The following PCDH9 variants were observed in gnomAD, a reference collection of about 807,000 sequenced individuals.
PCDH9 encodes protocadherin 9.
A neutral mutation model predicts 70.6 loss-of-function variants in PCDH9; 24 were observed. The ratio of observed to expected loss-of-function variants is 0.34; its 90% confidence interval spans 0.25 to 0.48. The LOEUF is 0.48. PCDH9 is among the 20% of genes least tolerant of loss of function. PCDH9 has a pLI of 0.99. For missense variants in PCDH9, 1,281 were observed against 1,503.6 expected (o/e 0.85, Z 2.45); for synonymous variants, 562 against 558.5 (o/e 1.01, Z -0.09).
intron 3 of PCDH9, among the ~76,000 whole-genome samples, chr13:66,670,045 T>C (rs1180048917): frequency 6.6e-6 from 1 of 152,184 alleles, no homozygotes; most frequent in Non-Finnish European, 1.5e-5. Context: ...AAACTAACTC[T>C]GATCCTCTAG....
chr13:66,744,738 T>C (rs1250197469), intron 3 of PCDH9, among the ~76,000 whole-genome samples: 2 of 152,158 alleles, frequency 1.3e-5, no homozygotes, highest in African/African-American at 4.8e-5. Flanking sequence ...AAGGTAAACA[T>C]GGACAGAGTT....
chr13:66,325,698 T>C (rs898908658), intron 4 of PCDH9, among the ~76,000 whole-genome samples: 3 of 152,078 alleles, frequency 2.0e-5, no homozygotes, highest in African/African-American at 7.3e-5. Context: ...CTGGTACATA[T>C]ATTGAATCCA....
At chr13:66,994,211 A>G (rs2084060834) in intron 2 of PCDH9, among the ~76,000 whole-genome samples, 1 of 152,148 alleles carries the variant, frequency 6.6e-6, no homozygotes, top group African/African-American at 2.4e-5. Flanking sequence ...TAACTCCAAG[A>G]GAGAGTGATG....
intron 2 of PCDH9, among the ~76,000 whole-genome samples, chr13:67,174,344 T>TACAG (rs2088386092): frequency 6.6e-6 from 1 of 151,946 alleles, no homozygotes; most frequent in Non-Finnish European, 1.5e-5. Context: ...CATACATACA[T>TACAG]ACAGACGAAG....
chr13:66,765,229 T>C (rs1237953168), intron 3 of PCDH9, among the ~76,000 whole-genome samples: 2 of 151,994 alleles, frequency 1.3e-5, no homozygotes, highest in Non-Finnish European at 2.9e-5. Context: ...AATCAAAGAT[T>C]TGATCTCCAT....
intron 2 of PCDH9, among the ~76,000 whole-genome samples, chr13:66,946,876 T>C (rs1054710944): frequency 6.6e-5 from 10 of 152,158 alleles, no homozygotes; most frequent in African/African-American, 1.9e-4. Context: ...AATGTACATA[T>C]GCCTTATACA....
intron 2 of PCDH9, 71 bp downstream of exon 2, chr13:67,225,334 C>T (rs755383214): frequency 1.1e-5 from 16 of 1,482,146 alleles, no homozygotes; most frequent in South Asian, 2.3e-5. Flanking sequence ...AATAGACATA[C>T]TGGCACGTTA....
intron 4 of PCDH9, among the ~76,000 whole-genome samples, chr13:66,359,557 G>T (rs944002917): frequency 1.3e-5 from 2 of 151,942 alleles, no homozygotes. Context: ...AAAAAGTATT[G>T]CTAGCTGTAA....
intron 4 of PCDH9, among the ~76,000 whole-genome samples, chr13:66,466,743 T>C (rs2138469142): frequency 6.6e-6 from 1 of 152,236 alleles, no homozygotes; most frequent in Middle Eastern, 3.4e-3. Flanking sequence ...TTTCAAACTT[T>C]ACTGTTTGAA....
At chr13:66,560,030 T>A (rs1435784365) in intron 4 of PCDH9, among the ~76,000 whole-genome samples, 15 of 151,918 alleles carry the variant, frequency 9.9e-5, no homozygotes, top group Admixed American at 9.8e-4. Flanking sequence ...GTTTATTTTG[T>A]CCAAAATATA....
chr13:67,105,842 TAAGTA>T (rs1312923832), intron 2 of PCDH9, among the ~76,000 whole-genome samples: 1 of 151,762 alleles, frequency 6.6e-6, no homozygotes, highest in Non-Finnish European at 1.5e-5. Flanking sequence ...ATGATCTACA[TAAGTA>T]AAGTTAGTAA....
Position 67,064,936 on chromosome 13 carries a change from A to C in PCDH9, c.3036+160469T>G, listed in dbSNP as rs561978419. Among the ~76,000 whole-genome samples, 19 of 146,880 alleles carry C rather than the reference A, an allele frequency of 1.3e-4. No homozygotes were observed. In the South Asian group the frequency reaches 1.5e-3, roughly 12 times the overall value. ...GATAGATAGATAGATAGATAGATAG[A>C]TAGCAGAGAGGTAGACAGATAGACA... is the stretch of plus-strand genomic sequence containing the variant. On this transcript the variant is annotated intron_variant, in intron 2 of 4. Coordinates refer to ENST00000377865, the MANE Select transcript of PCDH9 (RefSeq NM_203487.3).
chr13:66,619,407 A>G (rs1205507586), intron 4 of PCDH9, among the ~76,000 whole-genome samples: 1 of 152,180 alleles, frequency 6.6e-6, no homozygotes, highest in East Asian at 1.9e-4. Flanking sequence ...AATTTTTAAA[A>G]TAAAACTTTT....
chr13:66,805,868 T>C (rs1041123471), intron 3 of PCDH9, among the ~76,000 whole-genome samples: 1 of 152,134 alleles, frequency 6.6e-6, no homozygotes, highest in Non-Finnish European at 1.5e-5. Flanking sequence ...AATACCACAG[T>C]AGTTCATATT....
At chr13:66,887,755 A>T (rs535809199) in intron 3 of PCDH9, among the ~76,000 whole-genome samples, 1 of 152,354 alleles carries the variant, frequency 6.6e-6, no homozygotes, top group Non-Finnish European at 1.5e-5. Context: ...TATTGTAAAT[A>T]AACTAGGCAC....
chr13:66,886,649 A>G (rs987345197), intron 3 of PCDH9, among the ~76,000 whole-genome samples: 22 of 152,166 alleles, frequency 1.4e-4, no homozygotes, highest in African/African-American at 5.3e-4. Context: ...GTGAACTTGG[A>G]ACAATAATAT....
chr13:66,328,155 G>T (rs764563751), intron 4 of PCDH9, among the ~76,000 whole-genome samples: 1 of 152,004 alleles, frequency 6.6e-6, no homozygotes, highest in Non-Finnish European at 1.5e-5. Flanking sequence ...CTCTCATCAA[G>T]GACAAAAATA....
At chr13:67,117,407 C>T (rs181814176) in intron 2 of PCDH9, among the ~76,000 whole-genome samples, 1 of 152,006 alleles carries the variant, frequency 6.6e-6, no homozygotes, top group Non-Finnish European at 1.5e-5. Flanking sequence ...AACTGCATAT[C>T]CAAGTGGAAG....
rs138672023 is a variant in PCDH9 at position 66,368,635 on chromosome 13, T to A, written c.3341-63607A>T. Among the ~76,000 whole-genome samples, 38 of 152,116 alleles carry A rather than the reference T, an allele frequency of 2.5e-4. No individual in the cohort carries two copies. In the East Asian group the frequency reaches 7.1e-3, roughly 29 times the overall value. On this transcript the variant is annotated intron_variant, in intron 4 of 4. Coordinates refer to ENST00000377865, the MANE Select transcript of PCDH9 (RefSeq NM_203487.3). ...TACACATATATGGCTAGAGAGCAAA[T>A]GTTGTATCAATTAAACCACCATACA...
Sources: gnomAD v4.1 joint callset for allele counts (sites outside exome capture counted in the v4.1 genomes callset) on GRCh38, gnomAD v4.1.1 for gene constraint, MANE v1.5 for transcripts, NCBI Gene and HGNC (gene_info 2026-07-23, HGNC 2026-07-21) for gene names.